PTPRD: variants seen among roughly 807,000 people sequenced by gnomAD.
The protein encoded by PTPRD is receptor-type tyrosine-protein phosphatase delta.
PTPRD carries 34 observed loss-of-function variants against 214.5 expected under a neutral mutation model. That is an observed-to-expected ratio of 0.16 (90% CI 0.12 to 0.21). PTPRD has a LOEUF of 0.21. Among genes scored for constraint, PTPRD ranks in the 10% least tolerant of loss-of-function variants. The pLI, the probability that PTPRD is intolerant of heterozygous loss-of-function variation, is 1.00. For synonymous variants in PTPRD, 1,128 were observed against 845.7 expected, an observed-to-expected ratio of 1.33 and a Z score of -5.79; for missense variants, 2,545 against 2,398.7, an observed-to-expected ratio of 1.06 and a Z score of -1.27.
chr9:9,044,317 T>A (rs908924184), intron 10 of PTPRD, among the ~76,000 whole-genome samples: 34 of 152,212 alleles, frequency 2.2e-4, no homozygotes, highest in African/African-American at 8.2e-4. Flanking sequence ...AAAGAACACA[T>A]ATACACATAT....
intron 6 of PTPRD, among the ~76,000 whole-genome samples, chr9:9,745,859 AGTT>A (rs754138556): frequency 2.0e-5 from 3 of 152,192 alleles, no homozygotes; most frequent in South Asian, 4.1e-4. Context: ...TAGCTCTCCC[AGTT>A]GTTGTCTCTA....
At chr9:10,025,625 T>A (rs1377331225) in intron 4 of PTPRD, among the ~76,000 whole-genome samples, 1 of 152,196 alleles carries the variant, frequency 6.6e-6, no homozygotes, top group Non-Finnish European at 1.5e-5. Flanking sequence ...TCAAATACGA[T>A]GCAAATTTTA....
At chr9:10,104,101 G>C (rs926070549) in intron 3 of PTPRD, among the ~76,000 whole-genome samples, 7 of 151,670 alleles carry the variant, frequency 4.6e-5, no homozygotes, top group Non-Finnish European at 1.5e-5. Context: ...ACTTATATGA[G>C]GTACCCAGAG....
intron 8 of PTPRD, among the ~76,000 whole-genome samples, chr9:9,558,907 G>T (rs903315321): frequency 1.3e-5 from 2 of 152,174 alleles, no homozygotes; most frequent in African/African-American, 4.8e-5. Context: ...AAGGCCTTAT[G>T]TTGCATTAGG....
intron 7 of PTPRD, among the ~76,000 whole-genome samples, chr9:9,674,925 CA>C (rs562977361): frequency 5.3e-5 from 8 of 150,756 alleles, no homozygotes; most frequent in African/African-American, 1.9e-4. Context: ...AACAAAAAGA[CA>C]AAAAAAAGTA....
chr9:10,189,924 C>G (rs1010615711), intron 3 of PTPRD, among the ~76,000 whole-genome samples: 5 of 151,724 alleles, frequency 3.3e-5, no homozygotes, highest in African/African-American at 9.7e-5. Context: ...AAACAGAGCA[C>G]GGAAGAGAAA....
At chr9:8,933,340 G>GTTTTGTTTT (rs2098966631) in intron 11 of PTPRD, among the ~76,000 whole-genome samples, 1 of 80,430 alleles carries the variant, frequency 1.2e-5, no homozygotes, top group African/African-American at 5.1e-5. Context: ...CAACCTTGAG[G>GTTTTGTTTT]TTTTTTTTTT....
chr9:10,178,573 T>C (rs1012673447), intron 3 of PTPRD, among the ~76,000 whole-genome samples: 1 of 151,874 alleles, frequency 6.6e-6, no homozygotes, highest in Non-Finnish European at 1.5e-5. Flanking sequence ...TATAGCAAAA[T>C]GTACGTAGAA....
chr9:9,654,079 T>A (rs2096448362), intron 7 of PTPRD, among the ~76,000 whole-genome samples: 1 of 152,084 alleles, frequency 6.6e-6, no homozygotes, highest in Non-Finnish European at 1.5e-5. Context: ...CAGCTGAAAA[T>A]AATGGGCTGG....
At chr9:9,443,162 C>G (rs1202382931) in intron 8 of PTPRD, among the ~76,000 whole-genome samples, 1 of 152,046 alleles carries the variant, frequency 6.6e-6, no homozygotes, top group Non-Finnish European at 1.5e-5. Flanking sequence ...ATCCATTCCT[C>G]TTTAAAAAAA....
chr9:9,082,495 A>G (rs1193764205), intron 10 of PTPRD, among the ~76,000 whole-genome samples: 2 of 151,746 alleles, frequency 1.3e-5, no homozygotes, highest in Admixed American at 1.3e-4. Context: ...AAGACACAAG[A>G]CAAGGGTGCC....
intron 5 of PTPRD, among the ~76,000 whole-genome samples, chr9:9,826,060 TTTTA>T (rs1461596898): frequency 6.6e-6 from 1 of 151,794 alleles, no homozygotes; most frequent in Admixed American, 6.6e-5. Flanking sequence ...TTCTGCTCTC[TTTTA>T]TTTGTTTTTC....
At chr9:10,065,724 C>T (rs2097865395) in intron 3 of PTPRD, among the ~76,000 whole-genome samples, 1 of 151,844 alleles carries the variant, frequency 6.6e-6, no homozygotes, top group Non-Finnish European at 1.5e-5. Context: ...AGTCAAGAAA[C>T]AAAGCAAGGT....
intron 11 of PTPRD, among the ~76,000 whole-genome samples, chr9:8,796,790 T>A (rs528459463): frequency 6.6e-6 from 1 of 152,182 alleles, no homozygotes; most frequent in East Asian, 1.9e-4. Context: ...CAAGTTCCCA[T>A]AATTTATTTT....
intron 3 of PTPRD, among the ~76,000 whole-genome samples, chr9:10,124,804 T>C (rs2098803207): frequency 6.6e-6 from 1 of 152,244 alleles, no homozygotes; most frequent in Admixed American, 6.5e-5. Flanking sequence ...TACATCATCA[T>C]TTCGCAGAAT....
chr9:8,876,911 C>A (rs964671468), intron 11 of PTPRD, among the ~76,000 whole-genome samples: 1 of 151,804 alleles, frequency 6.6e-6, no homozygotes, highest in African/African-American at 2.4e-5. Context: ...CTTTACCACC[C>A]TGTTTTTCTT....
chr9:8,545,556 A>T (rs1282363735), intron 14 of PTPRD, among the ~76,000 whole-genome samples: 2 of 152,232 alleles, frequency 1.3e-5, no homozygotes, highest in Non-Finnish European at 2.9e-5. Flanking sequence ...ATTTCATCAC[A>T]GTGATTTTCA....
chr9:9,159,571 T>C (rs1230274035), intron 10 of PTPRD, among the ~76,000 whole-genome samples: 1 of 152,090 alleles, frequency 6.6e-6, no homozygotes, highest in African/African-American at 2.4e-5. Context: ...TACAAATCAG[T>C]AGAATAATAT....
intron 5 of PTPRD, among the ~76,000 whole-genome samples, chr9:9,877,763 T>G (rs989245551): frequency 6.6e-6 from 1 of 152,030 alleles, no homozygotes; most frequent in African/African-American, 2.4e-5. Context: ...TCACCTGAGG[T>G]AGGGAGTTCT....
Sources: gnomAD v4.1 joint callset for allele counts (sites outside exome capture counted in the v4.1 genomes callset) on GRCh38, gnomAD v4.1.1 for gene constraint, MANE v1.5 for transcripts, NCBI Gene and HGNC (gene_info 2026-07-23, HGNC 2026-07-21) for gene names.